The following CNTLN variants were observed in gnomAD, a reference collection of about 807,000 sequenced individuals.
CNTLN encodes the protein centlein.
CNTLN carries 212 observed loss-of-function variants against 180.0 expected under a neutral mutation model. The observed-to-expected ratio is 1.18, with a 90% confidence interval of 1.05 to 1.32. The LOEUF (loss-of-function observed/expected upper bound fraction) is 1.32. Ranked by LOEUF, CNTLN falls within the 40% of genes most tolerant of loss-of-function variation. CNTLN has a pLI of 0.00. For synonymous variants in CNTLN, 722 were observed against 563.1 expected, an observed-to-expected ratio of 1.28 and a Z score of -3.99; for missense variants, 2,095 against 1,610.9, an observed-to-expected ratio of 1.30 and a Z score of -5.14.
At position 17,356,549 on chromosome 9, in the gene CNTLN, AC is replaced by A. The variant is rs753022425; in HGVS notation, c.1887-10066del. 2.0e-4 allele frequency among the ~76,000 whole-genome samples: 31 copies of A among 152,246 alleles called. No individual in the cohort carries two copies. The South Asian group carries it at 6.4e-3, about 32-fold the overall frequency. ...AGTACTAGGGCTTGGGACCAGGTAA[AC>A]CGTTATAGCTAAGAAAATAATATAT... is the stretch of plus-strand genomic sequence containing the variant. On this transcript the variant is annotated intron_variant, in intron 12 of 25. Transcript: ENST00000380647.
At chr9:17,374,662 C>G (rs1487621931) in intron 13 of CNTLN, among the ~76,000 whole-genome samples, 1 of 151,968 alleles carries the variant, frequency 6.6e-6, no homozygotes, top group Non-Finnish European at 1.5e-5. Context: ...GAGTTTGAGA[C>G]CAGCCTGGCC....
chr9:17,429,632 A>T (rs1476437875), intron 18 of CNTLN, among the ~76,000 whole-genome samples: 2 of 151,992 alleles, frequency 1.3e-5, no homozygotes, highest in Non-Finnish European at 2.9e-5. Context: ...AAGAATTATT[A>T]TCCTGTTTTT....
intron 12 of CNTLN, among the ~76,000 whole-genome samples, chr9:17,346,368 C>G (rs1339049508): frequency 6.6e-6 from 1 of 152,122 alleles, no homozygotes; most frequent in Non-Finnish European, 1.5e-5. Flanking sequence ...CCCCGTGATC[C>G]AGTCACCTCC....
At chr9:17,362,153 C>G (rs920209036) in intron 12 of CNTLN, among the ~76,000 whole-genome samples, 1 of 152,172 alleles carries the variant, frequency 6.6e-6, no homozygotes, top group East Asian at 1.9e-4. Context: ...TTTTAAGAAG[C>G]AAGAAATAAC....
chr9:17,375,964 T>C (rs537834497), intron 13 of CNTLN, among the ~76,000 whole-genome samples: 1 of 152,328 alleles, frequency 6.6e-6, no homozygotes, highest in South Asian at 2.1e-4. Flanking sequence ...CACTGTACTT[T>C]TAGGTTTTGA....
At chr9:17,209,465 GTTTC>G (rs1322180138) in intron 2 of CNTLN, among the ~76,000 whole-genome samples, 9 of 152,140 alleles carry the variant, frequency 5.9e-5, no homozygotes, top group African/African-American at 2.2e-4. Flanking sequence ...GAAGTCCAGT[GTTTC>G]TTTGTTGATT....
intron 12 of CNTLN, among the ~76,000 whole-genome samples, chr9:17,353,921 C>T (rs1822583060): frequency 6.6e-6 from 1 of 152,178 alleles, no homozygotes. Context: ...CCTCAGCTTA[C>T]AGGGAGGTGT....
chr9:17,161,324 C>A (rs1220384782), intron 2 of CNTLN, among the ~76,000 whole-genome samples: 1 of 152,016 alleles, frequency 6.6e-6, no homozygotes, highest in Non-Finnish European at 1.5e-5. Flanking sequence ...TTGAATATAT[C>A]ATTTGTTTAT....
intron 2 of CNTLN, among the ~76,000 whole-genome samples, chr9:17,144,805 A>C (rs1818333043): frequency 6.6e-6 from 1 of 150,698 alleles, no homozygotes; most frequent in South Asian, 2.1e-4. Context: ...TACTTGGAGA[A>C]TTTATTTATT....
chr9:17,515,657 T>G, the CNTLN span, among the ~76,000 whole-genome samples: 31,918 of 152,062 alleles, frequency 0.21, 3,579 homozygotes, highest in African/African-American at 0.27. Flanking sequence ...CTCCCTTCAA[T>G]GTATCGGGAA....
chr9:17,524,276 T>C, the CNTLN span, among the ~76,000 whole-genome samples: 2 of 152,176 alleles, frequency 1.3e-5, no homozygotes, highest in Non-Finnish European at 2.9e-5. Flanking sequence ...AGATCTGCCA[T>C]TGGTAATAGA....
At chr9:17,440,588 C>CAAAAAAAAAAAAAAAAAAAAAAAAAAA (rs35350865) in intron 18 of CNTLN, among the ~76,000 whole-genome samples, 2 of 114,664 alleles carry the variant, frequency 1.7e-5, no homozygotes, top group African/African-American at 7.2e-5. Context: ...GACTCCGTCT[C>CAAAAAAAAAAAAAAAAAAAAAAAAAAA]AAAAAAAAAA....
chr9:17,516,497 A>G, the CNTLN span, among the ~76,000 whole-genome samples: 10,576 of 152,264 alleles, frequency 0.069, 976 homozygotes, highest in African/African-American at 0.22. Context: ...CTTAGGTTCA[A>G]TGAAGAAGGA....
chr9:17,409,622 A>G, intron 16 of CNTLN, 149 bp downstream of exon 16: 1 of 567,436 alleles, frequency 1.8e-6, no homozygotes, highest in Admixed American at 3.6e-5. Flanking sequence ...TTCACTTTTA[A>G]ATAATTTTCA....
At chr9:17,182,828 A>T (rs765933188) in intron 2 of CNTLN, among the ~76,000 whole-genome samples, 2 of 152,202 alleles carry the variant, frequency 1.3e-5, no homozygotes, top group Non-Finnish European at 2.9e-5. Flanking sequence ...TGGAGAGAAG[A>T]GAAAACTTAT....
chr9:17,194,200 GATTAAC>G (rs1821976003), intron 2 of CNTLN, among the ~76,000 whole-genome samples: 1 of 152,346 alleles, frequency 6.6e-6, no homozygotes, highest in East Asian at 1.9e-4. Context: ...TTGTCTTAGG[GATTAAC>G]ATTCAGCTAC....
chr9:17,309,609 C>G (rs922002284), intron 8 of CNTLN, among the ~76,000 whole-genome samples: 13 of 151,976 alleles, frequency 8.6e-5, no homozygotes, highest in Admixed American at 4.6e-4. Context: ...TCATAAAGTA[C>G]TTGCCATAAT....
intron 2 of CNTLN, among the ~76,000 whole-genome samples, chr9:17,146,610 A>C (rs947401162): frequency 6.6e-6 from 1 of 152,168 alleles, no homozygotes; most frequent in African/African-American, 2.4e-5. Flanking sequence ...GACCCTTACC[A>C]GACACTGAAT....
At chr9:17,429,528 A>G (rs1339490073) in intron 18 of CNTLN, among the ~76,000 whole-genome samples, 1 of 152,094 alleles carries the variant, frequency 6.6e-6, no homozygotes, top group African/African-American at 2.4e-5. Flanking sequence ...AGGCACTTAG[A>G]AATATAACAT....
Sources: allele counts gnomAD v4.1 joint callset (sites outside exome capture counted in the v4.1 genomes callset), GRCh38; gene constraint gnomAD v4.1.1; transcripts MANE v1.5; gene names NCBI Gene and HGNC (gene_info 2026-07-23, HGNC 2026-07-21).